PATJ: variants seen among roughly 807,000 people sequenced by gnomAD.
PATJ encodes the protein inaD-like protein.
PATJ carries 190 observed loss-of-function variants against 224.9 expected under a neutral mutation model. That is an observed-to-expected ratio of 0.84 (90% CI 0.75 to 0.95). The LOEUF (loss-of-function observed/expected upper bound fraction) is 0.95, where lower values mean the gene tolerates loss of function less well. Among genes scored for constraint, PATJ ranks in the 40% least tolerant of loss-of-function variants. The pLI is 0.00. For missense variants in PATJ, 2,121 were observed against 2,270.3 expected, an observed-to-expected ratio of 0.93 and a Z score of 1.34; for synonymous variants, 769 against 820.3, an observed-to-expected ratio of 0.94 and a Z score of 1.07.
chr1:61,865,853 G>T lies in PATJ; in HGVS notation c.2835+1220G>T, dbSNP rs150065793. 6.0e-4 allele frequency among the ~76,000 whole-genome samples: 92 copies of T among 152,230 alleles called. 2 individuals carry two copies. In the East Asian group the frequency reaches 0.016, roughly 27 times the overall value. ...GTGGCTTCAGGTGTTCTCTCAGTGG[G>T]CAGATAGAGGGTGTTTCTGCCCTTG... On this transcript the variant is annotated intron_variant, in intron 20 of 43. Coordinates refer to ENST00000642238, the MANE Select transcript of PATJ (RefSeq NM_001350145.3).
chr1:61,817,945 C>T (rs968698724), intron 14 of PATJ, among the ~76,000 whole-genome samples: 2 of 152,136 alleles, frequency 1.3e-5, no homozygotes, highest in African/African-American at 2.4e-5. Flanking sequence ...TCTTTCTGTT[C>T]TGTTTTCTGT....
intron 11 of PATJ, among the ~76,000 whole-genome samples, chr1:61,799,224 C>T (rs756456510): frequency 5.3e-5 from 8 of 152,170 alleles, no homozygotes; most frequent in Non-Finnish European, 8.8e-5. Context: ...TGGAGTTTCA[C>T]TCTTGTCGCC....
At chr1:61,818,498 T>A (rs1570691527) in intron 14 of PATJ, among the ~76,000 whole-genome samples, 2 of 152,248 alleles carry the variant, frequency 1.3e-5, no homozygotes, top group African/African-American at 4.8e-5. Flanking sequence ...ATTTGTTTAG[T>A]TGCTAAATGC....
chr1:61,807,797 C>A (rs931985052), intron 13 of PATJ, among the ~76,000 whole-genome samples: 1 of 152,190 alleles, frequency 6.6e-6, no homozygotes, highest in African/African-American at 2.4e-5. Context: ...CCCTTCCCGC[C>A]AGATGCATCA....
chr1:62,154,335 G>C (rs1169002838), intron 43 of PATJ, among the ~76,000 whole-genome samples: 2 of 151,620 alleles, frequency 1.3e-5, no homozygotes, highest in Non-Finnish European at 2.9e-5. Flanking sequence ...ATTTGTTTAT[G>C]AACAGATCTT....
At chr1:62,011,411 C>A (rs776701618) in intron 28 of PATJ, among the ~76,000 whole-genome samples, 3 of 151,992 alleles carry the variant, frequency 2.0e-5, no homozygotes, top group Non-Finnish European at 2.9e-5. Context: ...ATCGGAAGGC[C>A]TCGGAGGAGA....
intron 22 of PATJ, among the ~76,000 whole-genome samples, chr1:61,894,598 A>G (rs979469046): frequency 6.6e-6 from 1 of 152,148 alleles, no homozygotes; most frequent in Non-Finnish European, 1.5e-5. Flanking sequence ...GCCTTCCACC[A>G]TGATTTTAAG....
chr1:61,831,085 G>C (rs563668983), intron 16 of PATJ, among the ~76,000 whole-genome samples: 1 of 151,890 alleles, frequency 6.6e-6, no homozygotes, highest in South Asian at 2.1e-4. Context: ...TACTTGGGGG[G>C]GCTGAGGCAG....
intron 20 of PATJ, among the ~76,000 whole-genome samples, chr1:61,874,461 T>C (rs998619386): frequency 1.3e-5 from 2 of 152,030 alleles, no homozygotes; most frequent in Non-Finnish European, 2.9e-5. Context: ...CCTCCCAAAG[T>C]GTTGGGATTA....
chr1:62,040,168 G>A (rs114103866), intron 30 of PATJ, among the ~76,000 whole-genome samples: 2,647 of 151,620 alleles, frequency 0.017, 93 homozygotes, highest in African/African-American at 0.06. Context: ...GAGTGCAGTG[G>A]TGTGATCTCG....
intron 5 of PATJ, 135 bp downstream of exon 5, chr1:61,769,557 A>G (rs374563235): frequency 4.9e-5 from 47 of 954,700 alleles, no homozygotes; most frequent in Middle Eastern, 5.3e-4. Flanking sequence ...TTTGCTATGC[A>G]TTTGTCAGGC....
intron 33 of PATJ, among the ~76,000 whole-genome samples, chr1:62,098,969 T>A (rs1661761443): frequency 6.6e-6 from 1 of 152,184 alleles, no homozygotes; most frequent in South Asian, 2.1e-4. Flanking sequence ...AAATATACTT[T>A]AAAAGTTTTA....
rs569313187 is a variant in PATJ, at chr1:62,142,134, C to A, written c.5272-6150C>A. Among the ~76,000 whole-genome samples, 57 of 151,694 alleles carry A rather than the reference C, an allele frequency of 3.8e-4. 1 individual carries two copies. In the East Asian group the frequency reaches 8.9e-3, roughly 24 times the overall value. ...CATTTGACGATACCTTAAAAAAAAA[C>A]ACTATTTTAGTGACTTTCTTCCTCA... On this transcript the variant is annotated intron_variant, in intron 41 of 43. Coordinates refer to ENST00000642238, the MANE Select transcript of PATJ (RefSeq NM_001350145.3).
chr1:61,858,648 C>T (rs1004641232), intron 18 of PATJ, among the ~76,000 whole-genome samples: 1 of 152,156 alleles, frequency 6.6e-6, no homozygotes, highest in African/African-American at 2.4e-5. Context: ...GAGGGATCCA[C>T]CCCTGTCACC....
At chr1:62,141,567 C>T (rs1006247510) in intron 41 of PATJ, among the ~76,000 whole-genome samples, 1 of 151,812 alleles carries the variant, frequency 6.6e-6, no homozygotes, top group Non-Finnish European at 1.5e-5. Context: ...CCCAGCTACT[C>T]GGGAGGCTGA....
chr1:61,800,303 T>G (rs551783774), intron 11 of PATJ, among the ~76,000 whole-genome samples: 1 of 152,256 alleles, frequency 6.6e-6, no homozygotes, highest in African/African-American at 2.4e-5. Context: ...CTGACTGATA[T>G]GAGATGGTAT....
intron 28 of PATJ, 53 bp from the exon 29 acceptor site, chr1:62,017,803 A>T: frequency 2.3e-6 from 2 of 866,432 alleles, no homozygotes; most frequent in East Asian, 2.4e-5. Flanking sequence ...AAGTATATAC[A>T]TATATACTTG....
chr1:61,962,911 A>G (rs1681513252), intron 27 of PATJ, among the ~76,000 whole-genome samples: 1 of 152,188 alleles, frequency 6.6e-6, no homozygotes, highest in African/African-American at 2.4e-5. Context: ...AGGAAAGGAG[A>G]AAAGAGAAAG....
At chr1:62,078,157 C>T (rs1209077173) in intron 31 of PATJ, among the ~76,000 whole-genome samples, 2 of 152,232 alleles carry the variant, frequency 1.3e-5, no homozygotes, top group African/African-American at 4.8e-5. Flanking sequence ...CAGACTCTTC[C>T]AGCTGGGGAT....
Sources: allele counts gnomAD v4.1 joint callset (sites outside exome capture counted in the v4.1 genomes callset), GRCh38; gene constraint gnomAD v4.1.1; transcripts MANE v1.5; gene names NCBI Gene and HGNC (gene_info 2026-07-23, HGNC 2026-07-21).